PCDHA9: variants seen among roughly 807,000 people sequenced by gnomAD.
The protein encoded by PCDHA9 is protocadherin alpha 9.
In PCDHA9, 62 loss-of-function variants were observed where a neutral mutation model predicts 62.0. The ratio of observed to expected loss-of-function variants is 1.00; its 90% CI spans 0.81 to 1.23. The LOEUF is 1.23. Ranked by LOEUF, PCDHA9 falls within the 50% of genes most tolerant of loss-of-function variation. The probability of loss-of-function intolerance (pLI) is 0.00; values close to 1 mark genes in which losing one functional copy is unlikely to be tolerated. For missense variants in PCDHA9, 1,205 were observed against 1,249.8 expected, an observed-to-expected ratio of 0.96 and a Z score of 0.54; for synonymous variants, 557 against 567.6, an observed-to-expected ratio of 0.98 and a Z score of 0.27.
intron 1 of PCDHA9, among the ~76,000 whole-genome samples, chr5:140,897,453 C>T (rs1437046068): frequency 6.6e-6 from 1 of 151,162 alleles, no homozygotes; most frequent in African/African-American, 2.4e-5. Context: ...GTTTTTTGTC[C>T]TTGCGATAGT....
chr5:140,919,038 C>A (rs2078983263), intron 1 of PCDHA9, among the ~76,000 whole-genome samples: 1 of 152,046 alleles, frequency 6.6e-6, no homozygotes, highest in Non-Finnish European at 1.5e-5. Context: ...TAGTTGTTGT[C>A]CATTATTGGA....
chr5:140,954,208 A>C (rs568734009), intron 1 of PCDHA9, among the ~76,000 whole-genome samples: 1 of 152,254 alleles, frequency 6.6e-6, no homozygotes, highest in Admixed American at 6.5e-5. Context: ...GGTTGATCCC[A>C]TGTTTTTGCT....
intron 1 of PCDHA9, chr5:140,857,309 G>A: frequency 6.3e-7 from 1 of 1,598,786 alleles, no homozygotes; most frequent in East Asian, 2.2e-5. Flanking sequence ...GTCGGCCTAT[G>A]AGCTGGTGGT....
At chr5:140,949,222 G>T (rs1472220330) in intron 1 of PCDHA9, among the ~76,000 whole-genome samples, 1 of 151,662 alleles carries the variant, frequency 6.6e-6, no homozygotes, top group Non-Finnish European at 1.5e-5. Flanking sequence ...GTTTAGACTT[G>T]TTCTGTGGCC....
At chr5:140,880,694 A>C (rs1254061280) in intron 1 of PCDHA9, among the ~76,000 whole-genome samples, 1 of 152,228 alleles carries the variant, frequency 6.6e-6, no homozygotes, top group Non-Finnish European at 1.5e-5. Context: ...AGTCATGGTT[A>C]AGTGACAATG....
intron 1 of PCDHA9, among the ~76,000 whole-genome samples, chr5:140,937,827 G>A (rs1328688983): frequency 2.6e-5 from 4 of 151,564 alleles, no homozygotes; most frequent in Non-Finnish European, 5.9e-5. Context: ...CAGGAGAATG[G>A]CATGAACCTG....
At chr5:140,938,684 A>T (rs1554212293) in intron 1 of PCDHA9, among the ~76,000 whole-genome samples, 1 of 152,046 alleles carries the variant, frequency 6.6e-6, no homozygotes, top group African/African-American at 2.4e-5. Flanking sequence ...CATTTTCTTT[A>T]CAGTTTTTAA....
intron 3 of PCDHA9, chr5:140,989,125 T>G (rs2097330563): frequency 6.6e-6 from 1 of 152,152 alleles, no homozygotes; most frequent in Non-Finnish European, 1.5e-5. Context: ...CTTAGAAAAA[T>G]AAGACACTTT....
chr5:140,982,340 G>C (rs1186327832), intron 2 of PCDHA9, 135 bp from the exon 3 acceptor site: 1 of 1,458,038 alleles, frequency 6.9e-7, no homozygotes, highest in East Asian at 2.5e-5. Flanking sequence ...AGCAGTAATT[G>C]CTTCAGTTCA....
intron 1 of PCDHA9, among the ~76,000 whole-genome samples, chr5:140,917,650 T>G (rs897307157): frequency 1.5e-4 from 23 of 152,226 alleles, no homozygotes; most frequent in African/African-American, 5.5e-4. Context: ...CCAGCAATAT[T>G]GAGTAGGAAG....
chr5:140,991,086 T>C (rs2097431989), intron 3 of PCDHA9, among the ~76,000 whole-genome samples: 1 of 152,206 alleles, frequency 6.6e-6, no homozygotes, highest in African/African-American at 2.4e-5. Context: ...ATAAAAAAAT[T>C]AAAGCTCATA....
At chr5:140,967,934 A>G (rs781977227) in intron 1 of PCDHA9, 4 of 1,614,172 alleles carry the variant, frequency 2.5e-6, no homozygotes, top group Non-Finnish European at 2.5e-6. Flanking sequence ...TCTCAGTGTC[A>G]ATGACCAAGA....
At chr5:140,987,690 T>C (rs4912736) in intron 3 of PCDHA9, among the ~76,000 whole-genome samples, 37,365 of 152,116 alleles carry the variant, frequency 0.25, 5,761 homozygotes, top group East Asian at 0.43. Context: ...AGTAGCTATT[T>C]TTAAATGATT....
At chr5:140,856,703 C>T (rs1413055800) in intron 1 of PCDHA9, 1 of 1,596,452 alleles carries the variant, frequency 6.3e-7, no homozygotes, top group Non-Finnish European at 8.6e-7. Context: ...TGGAGGCAAA[C>T]CTGAATTTAC....
chr5:140,930,412 G>T (rs1327423423), intron 1 of PCDHA9: 1 of 148,866 alleles, frequency 6.7e-6, no homozygotes, highest in Non-Finnish European at 1.5e-5. Context: ...TTTTGAGACA[G>T]GGGTCTCACT....
At chr5:140,887,048 A>G (rs997240150) in intron 1 of PCDHA9, among the ~76,000 whole-genome samples, 21 of 152,068 alleles carry the variant, frequency 1.4e-4, no homozygotes, top group Admixed American at 1.4e-3. Context: ...TTTATAGTGC[A>G]TATGTTCTGG....
At chr5:140,878,093 G>C (rs1209778256) in intron 1 of PCDHA9, 1 of 292,952 alleles carries the variant, frequency 3.4e-6, no homozygotes, top group Non-Finnish European at 6.0e-6. Context: ...TTATATGACT[G>C]ATGAACCTTG....
At chr5:140,856,485 T>C (rs1554148765) in intron 1 of PCDHA9, 1 of 1,598,290 alleles carries the variant, frequency 6.3e-7, no homozygotes, top group East Asian at 2.2e-5. Context: ...GAATCCAGAC[T>C]GCTTGACTCT....
chr5:140,883,691 T>C (rs2059755439), intron 1 of PCDHA9: 2 of 1,613,592 alleles, frequency 1.2e-6, no homozygotes, highest in African/African-American at 2.7e-5. Flanking sequence ...CTGCCACATC[T>C]TCACGGTGTC....
Sources: gnomAD v4.1 joint callset for allele counts (sites outside exome capture counted in the v4.1 genomes callset) on GRCh38, gnomAD v4.1.1 for gene constraint, MANE v1.5 for transcripts, NCBI Gene and HGNC (gene_info 2026-07-23, HGNC 2026-07-21) for gene names.